PCCA: variants seen among roughly 807,000 people sequenced by gnomAD.
PCCA encodes the protein propionyl-CoA carboxylase alpha chain, mitochondrial.
PCCA carries 74 observed loss-of-function variants against 101.3 expected under a neutral mutation model. The observed-to-expected ratio is 0.73, with a 90% confidence interval of 0.61 to 0.89. The LOEUF is 0.89. PCCA is among the 40% of genes least tolerant of loss of function. The pLI, the probability that PCCA is intolerant of heterozygous loss-of-function variation, is 0.00. For synonymous variants in PCCA, 294 were observed against 313.6 expected (o/e 0.94, Z 0.66); for missense variants, 891 against 907.0 (o/e 0.98, Z 0.23).
intron 19 of PCCA, among the ~76,000 whole-genome samples, chr13:100,405,027 A>T (rs1324896124): frequency 6.6e-6 from 1 of 151,724 alleles, no homozygotes; most frequent in Non-Finnish European, 1.5e-5. Context: ...AGTTGTGTGG[A>T]CTCCTTACCA....
intron 6 of PCCA, among the ~76,000 whole-genome samples, chr13:100,164,918 C>T (rs1382403762): frequency 6.6e-6 from 1 of 152,154 alleles, no homozygotes; most frequent in South Asian, 2.1e-4. Context: ...ATTCTAGGTA[C>T]CTCACATAAG....
At chr13:100,283,600 A>G (rs2064321431) in intron 12 of PCCA, among the ~76,000 whole-genome samples, 1 of 152,208 alleles carries the variant, frequency 6.6e-6, no homozygotes, top group Admixed American at 6.5e-5. Flanking sequence ...GAAAGCTCGA[A>G]AAGCAATCCA....
At chr13:100,199,167 A>T (rs2058314794) in intron 6 of PCCA, among the ~76,000 whole-genome samples, 1 of 152,180 alleles carries the variant, frequency 6.6e-6, no homozygotes, top group African/African-American at 2.4e-5. Context: ...TTTTGAAATC[A>T]TGAAATAGGT....
chr13:100,509,826 T>TGTTTTGTTTTG (rs1555326193), intron 21 of PCCA, among the ~76,000 whole-genome samples: 1 of 149,454 alleles, frequency 6.7e-6, no homozygotes, highest in African/African-American at 2.5e-5. Context: ...TTTTGTGTTT[T>TGTTTTGTTTTG]TTTTGTTTTG....
intron 10 of PCCA, among the ~76,000 whole-genome samples, chr13:100,264,680 C>G (rs963179540): frequency 2.0e-5 from 3 of 151,968 alleles, no homozygotes; most frequent in African/African-American, 7.2e-5. Flanking sequence ...AAATAAATTG[C>G]TGTGTCTTTT....
chr13:100,442,666 G>A (rs1366539505), intron 20 of PCCA, among the ~76,000 whole-genome samples: 1 of 152,216 alleles, frequency 6.6e-6, no homozygotes, highest in Non-Finnish European at 1.5e-5. Context: ...GCAGGGGGAA[G>A]TAGATACTAA....
intron 16 of PCCA, among the ~76,000 whole-genome samples, chr13:100,316,272 GTTTTAA>G (rs1316321416): frequency 2.0e-5 from 3 of 152,054 alleles, no homozygotes; most frequent in African/African-American, 7.2e-5. Flanking sequence ...ATGGTTTTGT[GTTTTAA>G]TTTTGTTTTT....
chr13:100,466,424 G>C (rs925455137), intron 21 of PCCA, among the ~76,000 whole-genome samples: 1 of 152,226 alleles, frequency 6.6e-6, no homozygotes, highest in African/African-American at 2.4e-5. Flanking sequence ...GCCTTCCCAA[G>C]CCGGCATATG....
intron 8 of PCCA, among the ~76,000 whole-genome samples, chr13:100,244,635 CTG>C (rs1199792207): frequency 2.6e-5 from 4 of 151,872 alleles, no homozygotes; most frequent in Non-Finnish European, 4.4e-5. Flanking sequence ...TGGAAACTTC[CTG>C]TGTGTGAAGC....
rs2059745818 is a variant in PCCA, at chr13:100,220,280, A to G, written c.600+10817A>G. Among the ~76,000 whole-genome samples the G allele has an allele frequency of 2.6e-5, 4 of 151,942 alleles. No individual in the cohort carries two copies. The South Asian group carries it at 8.3e-4, about 32-fold the overall frequency. The stretch of plus-strand genomic sequence containing the variant: ...TTTTTTTGTTTTTGTTTTTTTTGAG[A>G]CAAGAGTCTCTTTCTGTCACCCAGG... On this transcript the variant is annotated intron_variant, in intron 7 of 23. Transcript: ENST00000376285.
chr13:100,180,227 G>A, intron 6 of PCCA, among the ~76,000 whole-genome samples: 1 of 152,114 alleles, frequency 6.6e-6, no homozygotes, highest in Non-Finnish European at 1.5e-5. Context: ...TGCTACATAG[G>A]AGCAGAAAAA....
intron 20 of PCCA, among the ~76,000 whole-genome samples, chr13:100,440,605 C>T (rs1289932217): frequency 6.6e-6 from 1 of 151,860 alleles, no homozygotes; most frequent in African/African-American, 2.4e-5. Flanking sequence ...TGCTGGTACA[C>T]AAATGAATTG....
intron 21 of PCCA, among the ~76,000 whole-genome samples, chr13:100,453,798 C>T (rs2081511460): frequency 6.6e-6 from 1 of 151,488 alleles, no homozygotes; most frequent in Admixed American, 6.6e-5. Context: ...GTACACACCC[C>T]TACTTAAATG....
intron 12 of PCCA, among the ~76,000 whole-genome samples, chr13:100,296,201 A>G (rs2065509524): frequency 6.6e-6 from 1 of 152,036 alleles, no homozygotes; most frequent in Non-Finnish European, 1.5e-5. Context: ...ATGAAAAACA[A>G]GTCTTTCTAG....
At chr13:100,248,880 G>A (rs1481584356) in intron 8 of PCCA, among the ~76,000 whole-genome samples, 1 of 151,984 alleles carries the variant, frequency 6.6e-6, no homozygotes, top group Non-Finnish European at 1.5e-5. Flanking sequence ...CTGAGTAGCT[G>A]GGATTATGGG....
intron 21 of PCCA, among the ~76,000 whole-genome samples, chr13:100,506,612 T>C (rs2086098815): frequency 6.6e-6 from 1 of 152,188 alleles, no homozygotes; most frequent in African/African-American, 2.4e-5. Context: ...AAGGCAAGAT[T>C]GTTGTTGAAG....
intron 4 of PCCA, among the ~76,000 whole-genome samples, chr13:100,139,098 G>A (rs989247509): frequency 6.6e-6 from 1 of 151,964 alleles, no homozygotes; most frequent in African/African-American, 2.4e-5. Context: ...GGCTTCTGAT[G>A]TGAAATCCAT....
intron 21 of PCCA, among the ~76,000 whole-genome samples, chr13:100,461,823 C>T (rs1271791718): frequency 1.3e-5 from 2 of 152,162 alleles, no homozygotes; most frequent in African/African-American, 2.4e-5. Context: ...ACCTGCCTAC[C>T]CAAGCTGCAT....
intron 21 of PCCA, among the ~76,000 whole-genome samples, chr13:100,453,416 C>T (rs2081477694): frequency 6.6e-6 from 1 of 151,338 alleles, no homozygotes; most frequent in South Asian, 2.1e-4. Flanking sequence ...GCAGGAGAAT[C>T]GCTTGAACCT....
Sources: gnomAD v4.1 joint callset for allele counts (sites outside exome capture counted in the v4.1 genomes callset) on GRCh38, gnomAD v4.1.1 for gene constraint, MANE v1.5 for transcripts, NCBI Gene and HGNC (gene_info 2026-07-23, HGNC 2026-07-21) for gene names.